Variants in ST7 observed in about 807,000 individuals in gnomAD.
ST7 encodes suppression of tumorigenicity 7.
A neutral mutation model predicts 78.7 loss-of-function variants in ST7; 28 were observed. The ratio of observed to expected loss-of-function variants is 0.36; its 90% confidence interval spans 0.26 to 0.49. The LOEUF (loss-of-function observed/expected upper bound fraction) is 0.49, where lower values mean the gene tolerates loss of function less well. ST7 is among the 20% of genes least tolerant of loss of function. The pLI is 0.99. For missense variants in ST7, 418 were observed against 696.0 expected, an observed-to-expected ratio of 0.60 and a Z score of 4.49; for synonymous variants, 247 against 249.6, an observed-to-expected ratio of 0.99 and a Z score of 0.10.
In ST7 at chr7:117,219,956, G is replaced by A. The variant is rs1792964752; in HGVS notation, c.1498+780G>A. ...AGGATCATGTCAGGCTCTTCATGTGGCCCAGACTTAGGATATATTTTTCTC... is the reference window on the plus strand; with the variant it reads ...AGGATCATGTCAGGCTCTTCATGTGACCCAGACTTAGGATATATTTTTCTC... On this transcript the variant is annotated intron_variant, in intron 14 of 15. Coordinates refer to ENST00000323984, the MANE Select transcript of ST7 (RefSeq NM_001369598.1). The surrounding 1 kb of genome is among the most constrained non-coding windows in gnomAD (Gnocchi z 5.1). Among the ~76,000 whole-genome samples the A allele has an allele frequency of 6.6e-6, 1 of 152,116 alleles. No individual in the cohort carries two copies. Among genetic ancestry groups the A allele is most frequent in the Non-Finnish European group, 1.5e-5 (1 of 68,012 alleles).
At chr7:117,195,577 C>T (rs1445449083) in intron 12 of ST7, among the ~76,000 whole-genome samples, 5 of 152,208 alleles carry the variant, frequency 3.3e-5, no homozygotes, top group Admixed American at 6.5e-5. Context: ...ACATTCATAG[C>T]GGAAGGGGAA....
At chr7:117,004,534 G>A (rs1056529675) in intron 1 of ST7, among the ~76,000 whole-genome samples, 1 of 152,128 alleles carries the variant, frequency 6.6e-6, no homozygotes, top group South Asian at 2.1e-4. Context: ...GGTGGCAGAT[G>A]CCTGTAGTCC....
intron 1 of ST7, among the ~76,000 whole-genome samples, chr7:117,062,161 C>T (rs1798392219): frequency 1.3e-5 from 2 of 152,108 alleles, no homozygotes; most frequent in African/African-American, 4.8e-5. Context: ...TCTGGAGTCT[C>T]TTCTTATGAG....
chr7:117,219,221 G>A lies in ST7; in HGVS notation c.1498+45G>A, dbSNP rs754791105. The A allele has an allele frequency of 2.7e-6, 4 of 1,509,270 alleles. No individual in the cohort carries two copies. Among genetic ancestry groups the A allele is most frequent in the East Asian group, 4.6e-5 (2 of 43,920 alleles). The allele number at this position is 1,509,270 out of a possible 1,614,324, so 93.5% of individuals were successfully genotyped here. A position where few individuals can be genotyped will look rare whatever the true frequency, so the allele number is the denominator to read the frequency against. On this transcript the variant is annotated intron_variant, in intron 14 of 15. Coordinates refer to ENST00000323984, the MANE Select transcript of ST7 (RefSeq NM_001369598.1). This position sits in a 1 kb window ranked among gnomAD's most constrained non-coding sequence, Gnocchi z 5.1. ...AGCCAGTGAGGGTGTGTGGTGAAAG[G>A]TGGGGATTGGAAGAGGTGGGAATAT...
At chr7:117,134,042 G>A in intron 6 of ST7, 82 bp from the exon 7 acceptor site, 1 of 1,564,490 alleles carries the variant, frequency 6.4e-7, no homozygotes, top group Non-Finnish European at 8.7e-7. Context: ...TGATTACCCT[G>A]AACTCCGAAA....
chr7:117,221,948 A>T lies in ST7; in HGVS notation c.1524A>T (p.Pro508=). Residue 508 remains proline, a synonymous_variant, in exon 15 of 16, where the codon CCA becomes CCT. Transcript: ENST00000323984. ...CTTTCCATGAAGTCTCAGTTTACCC[A>T]AAGAAGGAGCTTCCCTTCTTTATTC... ...LPSFHEVSVY[P]KKELPFFILF... 1 of 1,612,012 alleles carries T rather than the reference A, an allele frequency of 6.2e-7. No homozygotes were observed. Among genetic ancestry groups the T allele is most frequent in the Admixed American group, 1.7e-5 (1 of 59,782 alleles).
At chr7:117,014,534 G>A (rs769169929) in intron 1 of ST7, among the ~76,000 whole-genome samples, 1 of 152,226 alleles carries the variant, frequency 6.6e-6, no homozygotes, top group Non-Finnish European at 1.5e-5. Flanking sequence ...ATATGCATAT[G>A]TACTATCAAA....
At chr7:117,110,890 T>C (rs1304110053) in intron 2 of ST7, among the ~76,000 whole-genome samples, 1 of 152,232 alleles carries the variant, frequency 6.6e-6, no homozygotes, top group African/African-American at 2.4e-5. Flanking sequence ...ATTGCTGGGC[T>C]ATCTTATGGT....
intron 6 of ST7, among the ~76,000 whole-genome samples, chr7:117,132,580 C>G (rs924500832): frequency 6.6e-6 from 1 of 151,474 alleles, no homozygotes; most frequent in African/African-American, 2.4e-5. Flanking sequence ...CCATCTGGTG[C>G]TTGAATCACC....
At chr7:117,052,425 C>T (rs1416695742) in intron 1 of ST7, among the ~76,000 whole-genome samples, 2 of 152,160 alleles carry the variant, frequency 1.3e-5, no homozygotes, top group Non-Finnish European at 2.9e-5. Flanking sequence ...TTCAGTCTGA[C>T]ACTGGTAGTT....
chr7:117,126,226 A>G (rs1448907361), intron 3 of ST7, among the ~76,000 whole-genome samples: 1 of 151,822 alleles, frequency 6.6e-6, no homozygotes, highest in African/African-American at 2.4e-5. Flanking sequence ...AGCAATTTAT[A>G]ATTTTTGAAG....
intron 10 of ST7, among the ~76,000 whole-genome samples, chr7:117,184,763 A>G (rs1216011262): frequency 2.6e-5 from 4 of 152,156 alleles, no homozygotes; most frequent in Non-Finnish European, 5.9e-5. Context: ...GATTTTATGT[A>G]AAAAATGGTG....
At chr7:117,007,136 C>T (rs762314840) in intron 1 of ST7, among the ~76,000 whole-genome samples, 3 of 152,146 alleles carry the variant, frequency 2.0e-5, no homozygotes, top group Admixed American at 6.5e-5. Context: ...AGCTTAATGA[C>T]GAAGGCATGT....
At chr7:116,972,340 A>C (rs532208489) in intron 1 of ST7, 3 of 607,766 alleles carry the variant, frequency 4.9e-6, no homozygotes, top group Non-Finnish European at 9.0e-6. Context: ...ATCAGTAAGA[A>C]TCTTGATCTC....
chr7:116,992,693 C>T (rs1305878847), intron 1 of ST7, among the ~76,000 whole-genome samples: 1 of 152,236 alleles, frequency 6.6e-6, no homozygotes, highest in South Asian at 2.1e-4. Flanking sequence ...ATGCAAATAT[C>T]TGCAGTTGGC....
intron 1 of ST7, among the ~76,000 whole-genome samples, chr7:116,958,162 ATTTTTTTTT>A (rs34132237): frequency 3.5e-3 from 336 of 95,642 alleles, no homozygotes; most frequent in African/African-American, 7.2e-3. Context: ...TGCGTGGCTA[ATTTTTTTTT>A]TTTTTTTTTT....
intron 1 of ST7, among the ~76,000 whole-genome samples, chr7:117,032,873 A>G (rs1411917277): frequency 2.0e-5 from 3 of 152,118 alleles, no homozygotes; most frequent in African/African-American, 7.2e-5. Context: ...TGACTTTCTC[A>G]CCCTTTTTCT....
intron 1 of ST7, among the ~76,000 whole-genome samples, chr7:117,024,762 C>T (rs1796105069): frequency 1.3e-5 from 2 of 152,144 alleles, no homozygotes; most frequent in South Asian, 4.1e-4. Context: ...TCCTCTTTAG[C>T]TCTGGTGTGG....
chr7:117,167,219 C>T (rs1807633596), intron 9 of ST7, among the ~76,000 whole-genome samples: 1 of 131,452 alleles, frequency 7.6e-6, no homozygotes, highest in Admixed American at 7.8e-5. Context: ...TATCCCTCCC[C>T]CCTCCCCCCA....
Sources: allele counts gnomAD v4.1 joint callset (sites outside exome capture counted in the v4.1 genomes callset), GRCh38; gene constraint gnomAD v4.1.1; non-coding constraint Gnocchi (gnomAD v3.1); transcripts MANE v1.5; gene names NCBI Gene and HGNC (gene_info 2026-07-23, HGNC 2026-07-21).